SYCP2: variants seen among roughly 807,000 people sequenced by gnomAD.
SYCP2 encodes the protein synaptonemal complex protein 2.
Under a neutral mutation model 211.3 loss-of-function variants are expected in SYCP2, and 55 were observed. The ratio of observed to expected loss-of-function variants is 0.26; its 90% CI spans 0.21 to 0.33. The LOEUF (loss-of-function observed/expected upper bound fraction) is 0.33. Among genes scored for constraint, SYCP2 ranks in the 10% least tolerant of loss-of-function variants. The pLI, the probability that SYCP2 is intolerant of heterozygous loss-of-function variation, is 1.00. For missense variants in SYCP2, 1,731 were observed against 1,752.0 expected, an observed-to-expected ratio of 0.99 and a Z score of 0.21; for synonymous variants, 570 against 555.2, an observed-to-expected ratio of 1.03 and a Z score of -0.37.
chr20:59,896,615 G>A (rs137991151), intron 18 of SYCP2, 87 bp from the exon 19 acceptor site: 347 of 667,856 alleles, frequency 5.2e-4, no homozygotes, highest in African/African-American at 4.9e-3. Context: ...ATTTTGCCTT[G>A]ATACATGCCA....
intron 2 of SYCP2, among the ~76,000 whole-genome samples, chr20:59,923,133 A>G (rs1326646665): frequency 6.6e-6 from 1 of 151,968 alleles, no homozygotes; most frequent in African/African-American, 2.4e-5. Flanking sequence ...CCAGGTTCTA[A>G]AGAGAGATTC....
At chr20:59,887,247 C>T (rs7352284) in intron 24 of SYCP2, among the ~76,000 whole-genome samples, 2,953 of 151,536 alleles carry the variant, frequency 0.019, 42 homozygotes, top group Middle Eastern at 0.041. Flanking sequence ...TGAGAACATG[C>T]GGTGTTTTTT....
chr20:59,933,506 G>A (rs1054582065), intron 1 of SYCP2, 63 bp downstream of exon 1: 1 of 152,048 alleles, frequency 6.6e-6, no homozygotes, highest in African/African-American at 2.4e-5. Flanking sequence ...CCAAGCCGAA[G>A]CCCCACCCTC....
In SYCP2 at chr20:59,869,987, T is replaced by C; in HGVS notation, c.3556-4A>G. 1 of 1,565,698 alleles carries C rather than the reference T, an allele frequency of 6.4e-7. No individual in the cohort carries two copies. The highest frequency in any genetic ancestry group is 8.7e-7 in the Non-Finnish European group (1 of 1,153,156). On this transcript the variant is annotated splice_region_variant and splice_polypyrimidine_tract_variant and intron_variant, in intron 35 of 44. Coordinates refer to ENST00000357552, the MANE Select transcript of SYCP2 (RefSeq NM_014258.4). ...TCTTAGTTGGAGTATGTCTGGGCTA[T>C]GAATGAAGACATACAAAAACCCAAT...
intron 14 of SYCP2, among the ~76,000 whole-genome samples, chr20:59,908,507 G>A (rs1036007576): frequency 6.6e-6 from 1 of 152,054 alleles, no homozygotes; most frequent in East Asian, 1.9e-4. Flanking sequence ...CTATTTCTGT[G>A]TGTAAAAAAC....
intron 2 of SYCP2, among the ~76,000 whole-genome samples, chr20:59,926,576 G>C (rs2145901410): frequency 6.6e-6 from 1 of 152,144 alleles, no homozygotes; most frequent in African/African-American, 2.4e-5. Flanking sequence ...AACTTAACTT[G>C]GTTAAATGCA....
chr20:59,875,478 A>G lies in SYCP2; in HGVS notation c.3151-9T>C. On this transcript the variant is annotated splice_polypyrimidine_tract_variant and intron_variant, in intron 33 of 44. Transcript: ENST00000357552. ...GAATGGATATTCTCCTCCTAAATGT[A>G]TCAATAACTTTCAAATTATACTCAA... 2 of 1,594,192 alleles carry G rather than the reference A, an allele frequency of 1.3e-6. No individual in the cohort carries two copies. The highest frequency in any genetic ancestry group is 1.1e-5 in the South Asian group (1 of 88,010).
At position 59,864,194 on chromosome 20, in the gene SYCP2, A is replaced by G. The variant is rs2059284616; in HGVS notation, c.*117T>C. 1 of 668,838 alleles carries G rather than the reference A, an allele frequency of 1.5e-6. No individual in the cohort carries two copies. Among genetic ancestry groups the G allele is most frequent in the Non-Finnish European group, 2.4e-6 (1 of 415,728 alleles). The allele number at this position is 668,838 out of a possible 1,614,324, so 41.4% of individuals were successfully genotyped here. ...TTTTTTTTAATTTGAGGGTTCCTAT[A>G]AAGGGTACACTTGCTTCGGTGACAT... On this transcript the variant is annotated 3_prime_UTR_variant, in exon 45 of 45. Coordinates refer to ENST00000357552, the MANE Select transcript of SYCP2 (RefSeq NM_014258.4).
chr20:59,877,869 G>C (rs1246278523), intron 32 of SYCP2, 139 bp downstream of exon 32: 3 of 675,550 alleles, frequency 4.4e-6, no homozygotes, highest in East Asian at 2.8e-5. Flanking sequence ...AGAAACAGGA[G>C]AAAGTGTGCA....
At chr20:59,867,105 C>CGGGGGGGGGGGGGGGGG (rs373444865) in intron 39 of SYCP2, among the ~76,000 whole-genome samples, 2 of 3,466 alleles carry the variant, frequency 5.8e-4, no homozygotes, top group Non-Finnish European at 8.3e-4. Context: ...AGACTGGGGG[C>CGGGGGGGGGGGGGGGGG]GGGGGGGGGG....
chr20:59,899,656 T>C (rs1019148942), intron 18 of SYCP2, among the ~76,000 whole-genome samples: 2 of 152,140 alleles, frequency 1.3e-5, no homozygotes, highest in Admixed American at 6.5e-5. Flanking sequence ...CAGGGGGCTA[T>C]CGACAATGTC....
chr20:59,926,313 C>T (rs1396917783), intron 2 of SYCP2, among the ~76,000 whole-genome samples: 23 of 152,040 alleles, frequency 1.5e-4, no homozygotes, highest in African/African-American at 9.6e-5. Flanking sequence ...GGAGGCAAGA[C>T]GTCTAAAGTA....
chr20:59,895,119 G>A (rs6071014), intron 20 of SYCP2, among the ~76,000 whole-genome samples: 3,040 of 152,068 alleles, frequency 0.02, 42 homozygotes, highest in Middle Eastern at 0.041. Context: ...CTTGTACTTC[G>A]CATTCCTATA....
At chr20:59,890,065 T>C (rs1256736649) in intron 24 of SYCP2, among the ~76,000 whole-genome samples, 1 of 152,120 alleles carries the variant, frequency 6.6e-6, no homozygotes, top group African/African-American at 2.4e-5. Flanking sequence ...ACCCAAAGGA[T>C]TATAAATCAT....
Position 59,900,838 on chromosome 20 carries a change from C to T in SYCP2, c.1183-20G>A, listed in dbSNP as rs542327759. On this transcript the variant is annotated intron_variant, in intron 16 of 44. Transcript: ENST00000357552. ...AGATTCCTAAAATTAAATCAATTCA[C>T]AGTGATGACATTTTCTTCATTTTCT... 4 of 1,497,744 alleles carry T rather than the reference C, an allele frequency of 2.7e-6. No homozygotes were observed. The South Asian group carries it at 4.6e-5, about 17-fold the overall frequency. 92.8% of individuals were successfully genotyped at this position (1,497,744 alleles called of 1,614,324 possible).
At chr20:59,898,761 A>C (rs1198320710) in intron 18 of SYCP2, among the ~76,000 whole-genome samples, 1 of 152,178 alleles carries the variant, frequency 6.6e-6, no homozygotes, top group African/African-American at 2.4e-5. Context: ...AAAGCAAAAA[A>C]AGAGAAAGTG....
chr20:59,909,750 G>T (rs1239376176), intron 14 of SYCP2, among the ~76,000 whole-genome samples: 1 of 152,128 alleles, frequency 6.6e-6, no homozygotes, highest in South Asian at 2.1e-4. Flanking sequence ...CCACTGAATA[G>T]CTATAAACTA....
chr20:59,910,049 G>T (rs1431185053), intron 14 of SYCP2, among the ~76,000 whole-genome samples: 1 of 152,070 alleles, frequency 6.6e-6, no homozygotes, highest in Non-Finnish European at 1.5e-5. Context: ...AATGTGACTG[G>T]AACACAGTCA....
intron 26 of SYCP2, 35 bp downstream of exon 26, chr20:59,885,893 T>C: frequency 2.0e-6 from 3 of 1,530,172 alleles, no homozygotes; most frequent in Admixed American, 1.8e-5. Context: ...TGAGTTTGAC[T>C]ATAGATTTGG....
Sources: allele counts gnomAD v4.1 joint callset (sites outside exome capture counted in the v4.1 genomes callset), GRCh38; gene constraint gnomAD v4.1.1; transcripts MANE v1.5; gene names NCBI Gene and HGNC (gene_info 2026-07-23, HGNC 2026-07-21).